The following SPEN variants were observed in gnomAD, a reference collection of about 807,000 sequenced individuals.
The protein encoded by SPEN is spen family transcriptional repressor.
A neutral mutation model predicts 269.9 loss-of-function variants in SPEN; 18 were observed. The observed-to-expected ratio is 0.07, with a 90% CI of 0.05 to 0.10. SPEN has a LOEUF of 0.10. SPEN is among the 10% of genes least tolerant of loss of function. SPEN has a pLI of 1.00. For synonymous variants in SPEN, 1,726 were observed against 1,765.7 expected, an observed-to-expected ratio of 0.98 and a Z score of 0.56; for missense variants, 3,822 against 4,631.2, an observed-to-expected ratio of 0.83 and a Z score of 5.07.
chr1:15,907,288 C>T (rs191167931), intron 3 of SPEN, among the ~76,000 whole-genome samples: 83 of 152,096 alleles, frequency 5.5e-4, no homozygotes, highest in Admixed American at 1.4e-3. Flanking sequence ...TTGAGACCAA[C>T]CTGGGCAACA....
In SPEN at chr1:15,848,118, GC is replaced by G; in HGVS notation, c.52del (p.Arg18GlyfsTer80). ...LWVGNLPENV[R>X]EEKIIEHFKR... ...GGGTGGGCAACTTACCCGAGAACGT[GC>G]GGGAAGAGAAGATCATCGAGCATTT... On this transcript the variant is annotated frameshift_variant, in exon 1 of 15. Coordinates refer to ENST00000375759, the MANE Select transcript of SPEN (RefSeq NM_015001.3). LOFTEE classifies it high-confidence loss of function. The surrounding 1 kb of genome is among the most constrained non-coding windows in gnomAD (Gnocchi z 5.1). 6.7e-7 allele frequency: 1 copy of G among 1,502,472 alleles called. No individual in the cohort carries two copies. Among genetic ancestry groups the G allele is most frequent in the Non-Finnish European group, 8.9e-7 (1 of 1,118,332 alleles). 93.1% of individuals were successfully genotyped at this position (1,502,472 alleles called of 1,614,324 possible). A position where few individuals can be genotyped will look rare whatever the true frequency, so the allele number is the denominator to read the frequency against.
intron 1 of SPEN, among the ~76,000 whole-genome samples, chr1:15,862,083 C>T (rs906641996): frequency 2.0e-5 from 3 of 152,042 alleles, no homozygotes; most frequent in Admixed American, 6.6e-5. Context: ...GGGAGTTAGC[C>T]ACCATTCTTG....
chr1:15,863,018 C>T (rs988584071), intron 1 of SPEN, among the ~76,000 whole-genome samples: 5 of 152,244 alleles, frequency 3.3e-5, no homozygotes, highest in Non-Finnish European at 4.4e-5. Flanking sequence ...ACCTCAGCCT[C>T]CCAAAGTGGT....
In SPEN at chr1:15,876,573, C is replaced by A; in HGVS notation, c.776C>A (p.Ala259Asp). The A allele has an allele frequency of 6.2e-7, 1 of 1,613,990 alleles. No homozygotes were observed. The highest frequency in any genetic ancestry group is 8.5e-7 in the Non-Finnish European group (1 of 1,179,998). ...AGAAATCAGTCTCCTCAGAGACTGG[C>A]TAGCCAAGCATCTAGACCCACAAGG... ...QSRNQSPQRLASQASRPTRSP... is the reference protein window; with the variant it reads ...QSRNQSPQRLDSQASRPTRSP... Residue 259 changes from alanine to aspartate, a missense_variant, in exon 3 of 15, where the codon GCT becomes GAT. By Grantham distance (126) the Ala-to-Asp change is moderately radical. This residue lies in a region of SPEN where 327 missense variants were observed against 350.8 expected (regional missense o/e 0.93). Transcript: ENST00000375759.
chr1:15,880,036 T>G (rs972216250), intron 3 of SPEN, among the ~76,000 whole-genome samples: 2 of 152,148 alleles, frequency 1.3e-5, no homozygotes, highest in Non-Finnish European at 2.9e-5. Flanking sequence ...GTTTAAAAAA[T>G]TGGAATTTCC....
chr1:15,911,334 C>A, intron 5 of SPEN, 33 bp downstream of exon 5: 1 of 1,561,708 alleles, frequency 6.4e-7, no homozygotes, highest in Non-Finnish European at 8.8e-7. Flanking sequence ...TTGAGTTACT[C>A]ATCACACACA....
chr1:15,934,832 G>T lies in SPEN; in HGVS notation c.8592G>T (p.Ser2864=). The change falls in exon 11 of 15, where the codon TCG becomes TCT. Residue 2864 remains serine (S), a synonymous_variant. Coordinates refer to ENST00000375759, the MANE Select transcript of SPEN (RefSeq NM_015001.3). This position sits in a 1 kb window ranked among gnomAD's most constrained non-coding sequence, Gnocchi z 9.2. The part of the protein sequence containing the change: ...SQVKPDSVTA[S]QPPSKGPQAP... Reference sequence around the variant, plus strand: ...TCAAACCTGATTCTGTCACAGCATCGCAGCCTCCATCCAAAGGCCCTCAAG... The same window carrying T: ...TCAAACCTGATTCTGTCACAGCATCTCAGCCTCCATCCAAAGGCCCTCAAG... 1 of 1,614,146 alleles carries T rather than the reference G, an allele frequency of 6.2e-7. No homozygotes were observed. Among genetic ancestry groups the T allele is most frequent in the Non-Finnish European group, 8.5e-7 (1 of 1,180,020 alleles).
chr1:15,872,412 GA>G (rs1410552407), intron 1 of SPEN, among the ~76,000 whole-genome samples: 1 of 151,888 alleles, frequency 6.6e-6, no homozygotes, highest in Admixed American at 6.6e-5. Context: ...CTAACACGGT[GA>G]AACCCCGTCT....
At chr1:15,915,505 C>T (rs1424885911) in intron 5 of SPEN, among the ~76,000 whole-genome samples, 1 of 152,126 alleles carries the variant, frequency 6.6e-6, no homozygotes, top group African/African-American at 2.4e-5. Flanking sequence ...AACAGATCAC[C>T]TTAGCAAAGA....
rs1379766075 is a variant in SPEN, at chr1:15,931,974, G to C, written c.5734G>C (p.Gly1912Arg). Residue 1912 changes from glycine (G) to arginine (R), a missense_variant, in exon 11 of 15, where the codon GGT (glycine) becomes CGT (arginine). Around this residue, in one of 16 missense-constraint regions of SPEN, gnomAD observed 533 missense variants for 618.8 expected, o/e 0.86. Transcript: ENST00000375759. This position sits in a 1 kb window ranked among gnomAD's most constrained non-coding sequence, Gnocchi z 4.8. ...TGTAAGGAGCGTCTATGCAACCATG[G>C]GTGACCATGAAAACCGCTCTCCTGT... ...RNVRSVYATM[G>R]DHENRSPVKE... 1 of 1,614,230 alleles carries C rather than the reference G, an allele frequency of 6.2e-7. No individual in the cohort carries two copies.
Position 15,937,115 on chromosome 1 carries a change from G to T in SPEN, c.10027-48G>T, listed in dbSNP as rs781663593. 6 of 1,576,098 alleles carry T rather than the reference G, an allele frequency of 3.8e-6. No homozygotes were observed. The East Asian group carries it at 1.1e-4, about 30-fold the overall frequency. ...GGTCATTTGTTGGTCTCAGGGGCTT[G>T]TGCACAACAGACTGACTCTGTCCCT... On this transcript the variant is annotated intron_variant, in intron 11 of 14. Coordinates refer to ENST00000375759, the MANE Select transcript of SPEN (RefSeq NM_015001.3). The surrounding 1 kb of genome is among the most constrained non-coding windows in gnomAD (Gnocchi z 5.7).
chr1:15,937,601 C>T lies in SPEN; in HGVS notation c.10465C>T (p.His3489Tyr), dbSNP rs2071289397. The part of the protein sequence containing the change: ...QPAPKQDSSP[H>Y]LTSQRPVDMV... ...AGCCCCCAAACAAGATTCCTCTCCACACCTGACTTCCCAGAGACCCGTGGA... is the reference window on the plus strand; with the variant it reads ...AGCCCCCAAACAAGATTCCTCTCCATACCTGACTTCCCAGAGACCCGTGGA... The change falls in exon 12 of 15, where the codon CAC becomes TAC. Residue 3489 changes from histidine (H) to tyrosine (Y), a missense_variant. His to Tyr is a moderately conservative substitution (Grantham distance 83, BLOSUM62 2). Coordinates refer to ENST00000375759, the MANE Select transcript of SPEN (RefSeq NM_015001.3). This position sits in a 1 kb window ranked among gnomAD's most constrained non-coding sequence, Gnocchi z 5.7. 1.2e-6 allele frequency: 2 copies of T among 1,614,142 alleles called. No individual in the cohort carries two copies. The highest frequency in any genetic ancestry group is 2.2e-5 in the South Asian group (2 of 91,082).
At chr1:15,885,118 A>G (rs2070724809) in intron 3 of SPEN, among the ~76,000 whole-genome samples, 1 of 152,188 alleles carries the variant, frequency 6.6e-6, no homozygotes, top group Non-Finnish European at 1.5e-5. Context: ...TGTCTGATTT[A>G]TTATCCAAAG....
intron 3 of SPEN, among the ~76,000 whole-genome samples, chr1:15,884,567 A>G (rs1051337963): frequency 2.6e-5 from 4 of 152,092 alleles, no homozygotes; most frequent in Non-Finnish European, 5.9e-5. Context: ...AGGTATGTGC[A>G]TTCAGGTGTC....
At chr1:15,924,149 G>C (rs1422204323) in intron 10 of SPEN, among the ~76,000 whole-genome samples, 1 of 152,212 alleles carries the variant, frequency 6.6e-6, no homozygotes, top group Admixed American at 6.5e-5. Flanking sequence ...GAGTGTAAGA[G>C]AGTGAAAGTG....
At chr1:15,895,936 G>A (rs1346074543) in intron 3 of SPEN, among the ~76,000 whole-genome samples, 3 of 151,642 alleles carry the variant, frequency 2.0e-5, no homozygotes, top group Non-Finnish European at 2.9e-5. Flanking sequence ...CACCTGTCTC[G>A]GCCTCCCAAA....
At chr1:15,861,956 C>T (rs756364909) in intron 1 of SPEN, among the ~76,000 whole-genome samples, 4 of 152,136 alleles carry the variant, frequency 2.6e-5, no homozygotes, top group Non-Finnish European at 5.9e-5. Flanking sequence ...GCAGGAGAAT[C>T]GCTTGAACCT....
At chr1:15,865,539 C>T (rs2070496804) in intron 1 of SPEN, among the ~76,000 whole-genome samples, 1 of 149,238 alleles carries the variant, frequency 6.7e-6, no homozygotes, top group African/African-American at 2.5e-5. Context: ...TCTCCTGCCT[C>T]AACCTCCTGA....
Position 15,848,519 on chromosome 1 carries a change from G to C in SPEN, c.83+369G>C, listed in dbSNP as rs940250653. ...GGTCGCGTCCTTGCGCGCAGTGCCC[G>C]GCCCGGAGCAGCCGGGACCCGAGCC... On this transcript the variant is annotated intron_variant, in intron 1 of 14. Coordinates refer to ENST00000375759, the MANE Select transcript of SPEN (RefSeq NM_015001.3). The surrounding 1 kb of genome is among the most constrained non-coding windows in gnomAD (Gnocchi z 5.1). Among the ~76,000 whole-genome samples, 1 of 152,020 alleles carries C rather than the reference G, an allele frequency of 6.6e-6. No individual in the cohort carries two copies. Among genetic ancestry groups the C allele is most frequent in the Non-Finnish European group, 1.5e-5 (1 of 67,962 alleles).
Sources: allele counts gnomAD v4.1 joint callset (sites outside exome capture counted in the v4.1 genomes callset), GRCh38; gene constraint gnomAD v4.1.1; regional missense constraint gnomAD v4.1.1; non-coding constraint Gnocchi (gnomAD v3.1); transcripts MANE v1.5; gene names NCBI Gene and HGNC (gene_info 2026-07-23, HGNC 2026-07-21).